FAAH2: variants seen among roughly 807,000 people sequenced by gnomAD.
FAAH2 encodes the protein fatty-acid amide hydrolase 2.
A neutral mutation model predicts 36.9 loss-of-function variants in FAAH2; 60 were observed. The ratio of observed to expected loss-of-function variants is 1.63; its 90% CI spans 1.32 to 2.02. FAAH2 has a LOEUF of 2.02. FAAH2 is among the 30% of genes most tolerant of loss of function. The pLI is 0.00. For missense variants in FAAH2, 689 were observed against 397.5 expected (o/e 1.73, Z -6.23); for synonymous variants, 214 against 143.8 (o/e 1.49, Z -3.49).
At chrX:57,434,229 C>A (rs1453442151) in intron 8 of FAAH2, among the ~76,000 whole-genome samples, 5 of 108,430 alleles carry the variant, frequency 4.6e-5, no homozygotes, top group African/African-American at 1.7e-4. Flanking sequence ...GCACACGCCA[C>A]AACACTTGGC....
At chrX:57,372,319 T>A (rs1350811935) in intron 5 of FAAH2, among the ~76,000 whole-genome samples, 2 of 111,256 alleles carry the variant, frequency 1.8e-5, no homozygotes, top group African/African-American at 6.5e-5. Flanking sequence ...GTAATTTTTT[T>A]AACTTTTTAA....
intron 7 of FAAH2, among the ~76,000 whole-genome samples, chrX:57,382,233 A>G (rs1345461983): frequency 4.5e-5 from 5 of 111,848 alleles, no homozygotes; most frequent in Non-Finnish European, 9.4e-5. Flanking sequence ...GGAATGATCT[A>G]AAATTGGCAC....
chrX:57,434,007 G>A (rs186452388), intron 8 of FAAH2, among the ~76,000 whole-genome samples: 11 of 110,706 alleles, frequency 9.9e-5, no homozygotes, highest in Non-Finnish European at 2.1e-4. Flanking sequence ...TAGACTCTGT[G>A]CAAAAGAAAT....
intron 10 of FAAH2, among the ~76,000 whole-genome samples, chrX:57,458,615 C>T (rs780010016): frequency 3.4e-4 from 38 of 112,278 alleles, no homozygotes; most frequent in Non-Finnish European, 6.4e-4. Flanking sequence ...GTGACTTCTG[C>T]ATTTGCAATT....
chrX:57,260,200 A>T, the FAAH2 span, among the ~76,000 whole-genome samples: 1 of 111,920 alleles, frequency 8.9e-6, no homozygotes, highest in African/African-American at 3.2e-5. Context: ...AGCCATAGTA[A>T]TCAATACAGC....
chrX:57,176,967 G>A, the FAAH2 span, among the ~76,000 whole-genome samples: 1 of 110,265 alleles, frequency 9.1e-6, no homozygotes, highest in Non-Finnish European at 1.9e-5. Flanking sequence ...GGCTGGAATG[G>A]CAGAGGTCCC....
At chrX:57,186,622 C>A in the FAAH2 span, among the ~76,000 whole-genome samples, 5 of 111,931 alleles carry the variant, frequency 4.5e-5, no homozygotes, top group African/African-American at 1.6e-4. Flanking sequence ...TTGTTTTAGT[C>A]ATGAAGTCTT....
chrX:57,488,799 TG>T lies in FAAH2; in HGVS notation c.1469del (p.Gly490AspfsTer2), dbSNP rs2057519751. ...ALGLPVTQCP[L>X]GLNAKGLPLG... ...GGTTTGCCTGTGACCCAATGCCCAC[TG>T]GGACTGAATGCCAAAGGACTCCCTT... On this transcript the variant is annotated frameshift_variant, in exon 11 of 11. Coordinates refer to ENST00000374900, the MANE Select transcript of FAAH2 (RefSeq NM_174912.4). LOFTEE classifies it high-confidence loss of function. 1.7e-6 allele frequency: 2 copies of T among 1,209,511 alleles called. No individual in the cohort carries two copies. The highest frequency in any genetic ancestry group is 2.2e-6 in the Non-Finnish European group (2 of 895,098).
At chrX:57,304,650 G>A (rs926278560) in intron 2 of FAAH2, among the ~76,000 whole-genome samples, 2 of 111,907 alleles carry the variant, frequency 1.8e-5, no homozygotes, top group Non-Finnish European at 3.8e-5. Context: ...AAGGCATATG[G>A]CAGTACAATA....
the FAAH2 span, among the ~76,000 whole-genome samples, chrX:57,233,632 T>A: frequency 9.0e-6 from 1 of 111,638 alleles, no homozygotes; most frequent in Non-Finnish European, 1.9e-5. Context: ...GCTTCCTTTT[T>A]GTTTTGTTTT....
intron 4 of FAAH2, among the ~76,000 whole-genome samples, chrX:57,335,510 A>G (rs1401000987): frequency 8.8e-6 from 1 of 113,072 alleles, no homozygotes; most frequent in Non-Finnish European, 1.9e-5. Flanking sequence ...AAAGAGCAGT[A>G]TTGCTGCCAG....
chrX:57,177,190 C>T, the FAAH2 span, among the ~76,000 whole-genome samples: 3 of 110,259 alleles, frequency 2.7e-5, no homozygotes, highest in African/African-American at 3.3e-5. Context: ...CAGTGAAATG[C>T]GCTGATATCT....
intron 1 of FAAH2, among the ~76,000 whole-genome samples, chrX:57,290,596 C>T (rs2051948260): frequency 9.0e-6 from 1 of 111,234 alleles, no homozygotes; most frequent in African/African-American, 3.3e-5. Context: ...ATGCTTGTTG[C>T]AGTTTATCCA....
chrX:57,225,890 T>C, the FAAH2 span, among the ~76,000 whole-genome samples: 1 of 112,374 alleles, frequency 8.9e-6, no homozygotes, highest in African/African-American at 3.2e-5. Context: ...CATTATATAA[T>C]GTCCCTCTTT....
chrX:57,193,332 G>T, the FAAH2 span, among the ~76,000 whole-genome samples: 1 of 111,596 alleles, frequency 9.0e-6, no homozygotes, highest in Admixed American at 9.5e-5. Flanking sequence ...GTTCAGACTG[G>T]TTGCTCTCAA....
intron 10 of FAAH2, among the ~76,000 whole-genome samples, chrX:57,463,644 A>G (rs2056999022): frequency 1.8e-5 from 2 of 111,991 alleles, no homozygotes; most frequent in Non-Finnish European, 3.8e-5. Context: ...GCCAACAAAC[A>G]TGAAAAAAAG....
chrX:57,422,027 G>A (rs1423394480), intron 7 of FAAH2, among the ~76,000 whole-genome samples: 1 of 111,378 alleles, frequency 9.0e-6, no homozygotes, highest in Non-Finnish European at 1.9e-5. Flanking sequence ...TGTATTGCTT[G>A]CTTTGTTAGC....
Position 57,340,671 on chromosome X carries a change from C to G in FAAH2, c.623-600C>G, listed in dbSNP as rs957048122. Among the ~76,000 whole-genome samples, 3 of 111,764 alleles carry G rather than the reference C, an allele frequency of 2.7e-5. No individual in the cohort carries two copies. The Admixed American group carries it at 2.9e-4, about 11-fold the overall frequency. ...ATGGATGGAGCTGGAAGCCATTATT[C>G]TCAGTAAACGAATGCAGGGATAGAA... is the stretch of plus-strand genomic sequence containing the variant. On this transcript the variant is annotated intron_variant, in intron 4 of 10. Transcript: ENST00000374900.
chrX:57,323,170 T>A lies in FAAH2; in HGVS notation c.413-8428T>A, dbSNP rs758122136. 2.7e-5 allele frequency among the ~76,000 whole-genome samples: 3 copies of A among 111,731 alleles called. No individual in the cohort carries two copies. The East Asian group carries it at 8.4e-4, about 31-fold the overall frequency. ...CCTACAAAGGACATGAACTCATCCT[T>A]TTTTATGGCCACATACTATTCCATG... On this transcript the variant is annotated intron_variant, in intron 3 of 10. Coordinates refer to ENST00000374900, the MANE Select transcript of FAAH2 (RefSeq NM_174912.4).
Sources: gnomAD v4.1 joint callset for allele counts (sites outside exome capture counted in the v4.1 genomes callset) on GRCh38, gnomAD v4.1.1 for gene constraint, MANE v1.5 for transcripts, NCBI Gene and HGNC (gene_info 2026-07-23, HGNC 2026-07-21) for gene names.